Variants in EYA1 observed in about 807,000 individuals in gnomAD.
The protein encoded by EYA1 is protein phosphatase EYA1.
A neutral mutation model predicts 82.0 loss-of-function variants in EYA1; 16 were observed. The observed-to-expected ratio is 0.20, with a 90% confidence interval of 0.13 to 0.30. The LOEUF (loss-of-function observed/expected upper bound fraction) is 0.30, where lower values mean the gene tolerates loss of function less well. Among genes scored for constraint, EYA1 ranks in the 10% least tolerant of loss-of-function variants. EYA1 has a pLI of 1.00. For missense variants in EYA1, 633 were observed against 730.7 expected, an observed-to-expected ratio of 0.87 and a Z score of 1.54; for synonymous variants, 261 against 264.4, an observed-to-expected ratio of 0.99 and a Z score of 0.12.
intron 2 of EYA1, among the ~76,000 whole-genome samples, chr8:71,478,468 A>G (rs1053390407): frequency 1.3e-5 from 2 of 152,220 alleles, no homozygotes; most frequent in Non-Finnish European, 2.9e-5. Context: ...TTTCTTTAAC[A>G]GTCACTTTAA....
intron 12 of EYA1, among the ~76,000 whole-genome samples, chr8:71,233,286 C>T (rs541284591): frequency 5.9e-5 from 9 of 151,758 alleles, no homozygotes; most frequent in South Asian, 2.1e-4. Context: ...TGTTTTCTGC[C>T]GGGTGCGGTG....
In EYA1 at chr8:71,370,337, G is replaced by A. The variant is rs58785654; in HGVS notation, c.34-13826C>T. 6.8e-3 allele frequency among the ~76,000 whole-genome samples: 1,007 copies of A among 148,936 alleles called. 12 individuals carry two copies. Among genetic ancestry groups the A allele is most frequent in the African/African-American group, 0.024 (951 of 40,090 alleles). ...ACAAAAGTTAGTTAGCTGGTCTATCGGCCAGTAATCAGTCACTCAACAAAT... is the reference window on the plus strand; with the variant it reads ...ACAAAAGTTAGTTAGCTGGTCTATCAGCCAGTAATCAGTCACTCAACAAAT... On this transcript the variant is annotated intron_variant, in intron 2 of 18. Coordinates refer to the EYA1 transcript ENST00000643681.
intron 2 of EYA1, among the ~76,000 whole-genome samples, chr8:71,482,891 G>A (rs115662718): frequency 2.0e-5 from 3 of 152,206 alleles, no homozygotes; most frequent in African/African-American, 7.2e-5. Flanking sequence ...CTGAAAGAGA[G>A]GGGGTACAAT....
intron 12 of EYA1, among the ~76,000 whole-genome samples, chr8:71,244,008 C>T (rs1012761560): frequency 6.6e-5 from 10 of 152,332 alleles, no homozygotes; most frequent in Non-Finnish European, 1.2e-4. Flanking sequence ...ATTCTCTACT[C>T]TTAAGAATGC....
intron 12 of EYA1, chr8:71,225,148 T>C: frequency 6.7e-6 from 3 of 447,002 alleles, no homozygotes; most frequent in Non-Finnish European, 1.4e-5. Context: ...GTATTTATAC[T>C]TACTGATGCA....
rs566999955 is a variant in EYA1, at chr8:71,322,385, G to T, written c.203-117C>A. 8 of 865,580 alleles carry T rather than the reference G, an allele frequency of 9.2e-6. No individual in the cohort carries two copies. The South Asian group carries it at 1.1e-4, about 12-fold the overall frequency. 53.6% of individuals were successfully genotyped at this position (865,580 alleles called of 1,614,324 possible). A position where few individuals can be genotyped will look rare whatever the true frequency, so the allele number is the denominator to read the frequency against. On this transcript the variant is annotated intron_variant, in intron 4 of 17. Transcript: ENST00000340726. ...TGGCCATATGAAATTTCAGATATTT[G>T]GTCTTTGTGACCTGCGGAGATGGAA...
chr8:71,271,612 ACTTT>A (rs1816541530), intron 10 of EYA1, 142 bp downstream of exon 10: 1 of 870,358 alleles, frequency 1.1e-6, no homozygotes, highest in Non-Finnish European at 1.9e-6. Flanking sequence ...AGAAAATATT[ACTTT>A]ATCTATTGTT....
chr8:71,530,191 T>C (rs981382332), intron 2 of EYA1, among the ~76,000 whole-genome samples: 1 of 152,116 alleles, frequency 6.6e-6, no homozygotes, highest in Non-Finnish European at 1.5e-5. Context: ...GGGGCACAGA[T>C]GTAAGAGGGA....
intron 7 of EYA1, among the ~76,000 whole-genome samples, chr8:71,306,449 G>A (rs927104333): frequency 4.6e-5 from 7 of 152,040 alleles, no homozygotes; most frequent in Non-Finnish European, 1.0e-4. Flanking sequence ...AATTGCCGGG[G>A]GTGGGGGAAA....
chr8:71,541,015 C>T (rs1815095530), intron 1 of EYA1, among the ~76,000 whole-genome samples: 1 of 152,142 alleles, frequency 6.6e-6, no homozygotes, highest in Admixed American at 6.5e-5. Context: ...CCTCCAGAGC[C>T]CTACTCAACT....
At chr8:71,355,632 C>A (rs748115510) in intron 2 of EYA1, among the ~76,000 whole-genome samples, 3 of 152,204 alleles carry the variant, frequency 2.0e-5, no homozygotes, top group Admixed American at 6.5e-5. Flanking sequence ...TGGGTCCCTG[C>A]AAGCATTAGC....
intron 12 of EYA1, among the ~76,000 whole-genome samples, chr8:71,225,805 T>G (rs1810489678): frequency 6.6e-6 from 1 of 152,206 alleles, no homozygotes; most frequent in Non-Finnish European, 1.5e-5. Flanking sequence ...GACACACATA[T>G]GGCATTTACA....
At chr8:71,244,725 T>C (rs1459724589) in intron 11 of EYA1, 33 bp from the exon 12 acceptor site, 1 of 1,259,974 alleles carries the variant, frequency 7.9e-7, no homozygotes, top group Non-Finnish European at 1.2e-6. Flanking sequence ...GAAGAACATG[T>C]ATACTTCAGG....
rs553749278 is a variant in EYA1 at position 71,239,301 on chromosome 8, A to C, written c.1140+5302T>G. ...GTTTTGATGTTACTCTTGTCAACTA[A>C]GGAAATGCACAAGGCTGAACAACCT... On this transcript the variant is annotated intron_variant, in intron 12 of 17. Transcript: ENST00000340726. 2.6e-5 allele frequency among the ~76,000 whole-genome samples: 4 copies of C among 152,304 alleles called. No individual in the cohort carries two copies. In the South Asian group the frequency reaches 8.3e-4, roughly 32 times the overall value.
chr8:71,532,043 C>T (rs1440164481), intron 2 of EYA1, among the ~76,000 whole-genome samples: 3 of 152,170 alleles, frequency 2.0e-5, no homozygotes, highest in East Asian at 1.9e-4. Flanking sequence ...ATAGGATGGA[C>T]ACATTTCCAA....
intron 12 of EYA1, among the ~76,000 whole-genome samples, chr8:71,221,126 A>ACAT (rs1809854319): frequency 6.6e-6 from 1 of 152,240 alleles, no homozygotes; most frequent in Non-Finnish European, 1.5e-5. Flanking sequence ...ATATTTTGGT[A>ACAT]CATCAGGAGG....
chr8:71,216,968 A>T lies in EYA1; in HGVS notation c.1196T>A (p.Leu399Gln). The T allele has an allele frequency of 1.2e-6, 2 of 1,613,626 alleles. No individual in the cohort carries two copies. Among genetic ancestry groups the T allele is most frequent in the Non-Finnish European group, 1.7e-6 (2 of 1,179,498 alleles). Residue 399 changes from leucine to glutamine, a missense_variant, in exon 13 of 18, where the codon CTA becomes CAA. Transcript: ENST00000340726. ...DVSSDDNGQD[L>Q]STYNFGTDGF... Reference sequence around the variant, plus strand: ...CTTCACATTCAAGGGTGCTCACCTTAGGTCCTGTCCGTTATCATCTGAAGA... The same window carrying T: ...CTTCACATTCAAGGGTGCTCACCTTTGGTCCTGTCCGTTATCATCTGAAGA...
chr8:71,411,769 A>C (rs1256801228), intron 2 of EYA1, among the ~76,000 whole-genome samples: 2 of 143,322 alleles, frequency 1.4e-5, no homozygotes, highest in Middle Eastern at 3.5e-3. Flanking sequence ...GAACACTTTT[A>C]CACTGTTGCT....
chr8:71,404,779 G>A (rs1830125953), intron 2 of EYA1: 1 of 154,094 alleles, frequency 6.5e-6, no homozygotes, highest in South Asian at 1.9e-4. Flanking sequence ...TTAGCCAGAT[G>A]TGGTGGCGGG....
Sources: allele counts gnomAD v4.1 joint callset (sites outside exome capture counted in the v4.1 genomes callset), GRCh38; gene constraint gnomAD v4.1.1; transcripts MANE v1.5; gene names NCBI Gene and HGNC (gene_info 2026-07-23, HGNC 2026-07-21).